Variants in RAPGEF6 observed in about 807,000 individuals in gnomAD.
RAPGEF6 encodes PDZ domain containing guanine nucleotide exchange factor (GEF) 2.
In RAPGEF6, 56 loss-of-function variants were observed where a neutral mutation model predicts 171.4. The observed-to-expected ratio is 0.33, with a 90% CI of 0.26 to 0.41. RAPGEF6 has a LOEUF of 0.41. Ranked by LOEUF, RAPGEF6 falls within the 10% of genes least tolerant of loss-of-function variation. The pLI is 1.00. For missense variants in RAPGEF6, 1,674 were observed against 1,921.4 expected (o/e 0.87, Z 2.41); for synonymous variants, 692 against 650.1 (o/e 1.06, Z -0.98).
In RAPGEF6 at chr5:131,489,531, T is replaced by C; in HGVS notation, c.1840+15A>G. 2 of 1,484,160 alleles carry C rather than the reference T, an allele frequency of 1.3e-6. No individual in the cohort carries two copies. The highest frequency in any genetic ancestry group is 1.8e-6 in the Non-Finnish European group (2 of 1,083,430). 91.9% of individuals were successfully genotyped at this position (1,484,160 alleles called of 1,614,324 possible). On this transcript the variant is annotated intron_variant, in intron 15 of 27. Transcript: ENST00000509018. ...AAGAAGAAAGAGTTCAGGCAATTTT[T>C]ACAACAAAACTCACCAAAAATGTTG... is the stretch of plus-strand genomic sequence containing the variant.
At chr5:131,598,257 T>A (rs1014541205) in intron 3 of RAPGEF6, among the ~76,000 whole-genome samples, 2 of 151,094 alleles carry the variant, frequency 1.3e-5, no homozygotes, top group Non-Finnish European at 3.0e-5. Context: ...AATTAGAAAA[T>A]AAGGCAGTAG....
chr5:131,462,100 A>T lies in RAPGEF6; in HGVS notation c.2481-12T>A, dbSNP rs1004944600. ...TTTTTAAGTAATACCTAAATGGAAA[A>T]ATTTTTTTAAATAAATGTATTCATA... On this transcript the variant is annotated splice_polypyrimidine_tract_variant and intron_variant, in intron 18 of 27. Transcript: ENST00000509018. 1.1e-5 allele frequency: 16 copies of T among 1,453,872 alleles called. No homozygotes were observed. Among genetic ancestry groups the T allele is most frequent in the Non-Finnish European group, 1.4e-5 (15 of 1,097,600 alleles). The allele number at this position is 1,453,872 out of a possible 1,614,324, so 90.1% of individuals were successfully genotyped here.
intron 1 of RAPGEF6, among the ~76,000 whole-genome samples, chr5:131,628,913 A>G (rs1436099214): frequency 1.3e-5 from 2 of 152,192 alleles, no homozygotes; most frequent in Non-Finnish European, 2.9e-5. Context: ...AAAAAGATTC[A>G]TTTCAAAATA....
At chr5:131,611,686 T>C (rs1223046839) in intron 1 of RAPGEF6, among the ~76,000 whole-genome samples, 1 of 152,186 alleles carries the variant, frequency 6.6e-6, no homozygotes, top group Non-Finnish European at 1.5e-5. Flanking sequence ...AAGAGTCATT[T>C]TTTAAACTAG....
At chr5:131,444,871 A>G (rs911461904) in intron 22 of RAPGEF6, among the ~76,000 whole-genome samples, 1 of 152,170 alleles carries the variant, frequency 6.6e-6, no homozygotes, top group African/African-American at 2.4e-5. Flanking sequence ...AAATATGTAC[A>G]TGGCTTTGAA....
intron 26 of RAPGEF6, among the ~76,000 whole-genome samples, chr5:131,430,108 A>C (rs1489427102): frequency 6.6e-6 from 1 of 152,062 alleles, no homozygotes; most frequent in African/African-American, 2.4e-5. Flanking sequence ...CCTATAATGC[A>C]ATTTGACAAG....
intron 1 of RAPGEF6, among the ~76,000 whole-genome samples, chr5:131,613,289 A>T (rs553871130): frequency 6.6e-6 from 1 of 152,188 alleles, no homozygotes; most frequent in Non-Finnish European, 1.5e-5. Flanking sequence ...GGGCGCCTAC[A>T]GTCCCAGCTT....
chr5:131,583,610 T>C (rs1202503745), intron 4 of RAPGEF6, among the ~76,000 whole-genome samples: 1 of 152,246 alleles, frequency 6.6e-6, no homozygotes, highest in East Asian at 1.9e-4. Context: ...TCCTGCCTTT[T>C]TGGGCTGAAC....
At chr5:131,611,317 T>C (rs1764921549) in intron 1 of RAPGEF6, among the ~76,000 whole-genome samples, 3 of 152,200 alleles carry the variant, frequency 2.0e-5, no homozygotes, top group Admixed American at 2.0e-4. Flanking sequence ...AGTAAATAAA[T>C]TTTCTATACT....
chr5:131,596,597 G>A (rs908969668), intron 3 of RAPGEF6, among the ~76,000 whole-genome samples: 2 of 152,026 alleles, frequency 1.3e-5, no homozygotes, highest in Non-Finnish European at 2.9e-5. Context: ...CATAAAAACA[G>A]ACCAATAGAG....
intron 21 of RAPGEF6, among the ~76,000 whole-genome samples, chr5:131,452,553 C>T (rs1753168078): frequency 6.7e-6 from 1 of 150,232 alleles, no homozygotes; most frequent in African/African-American, 2.4e-5. Flanking sequence ...AAGACATAGA[C>T]TAATACTTTA....
chr5:131,460,708 C>T (rs1308174274), intron 19 of RAPGEF6, among the ~76,000 whole-genome samples: 1 of 152,158 alleles, frequency 6.6e-6, no homozygotes, highest in African/African-American at 2.4e-5. Context: ...ATTCTAAAGA[C>T]CACTCTGTTA....
chr5:131,516,663 G>A (rs548158180), intron 7 of RAPGEF6, among the ~76,000 whole-genome samples: 133 of 152,228 alleles, frequency 8.7e-4, no homozygotes, highest in African/African-American at 3.0e-3. Context: ...CCAGCTCATG[G>A]AAAAGACTGA....
chr5:131,466,777 C>G (rs1320056172), intron 17 of RAPGEF6, among the ~76,000 whole-genome samples: 1 of 152,164 alleles, frequency 6.6e-6, no homozygotes, highest in East Asian at 1.9e-4. Flanking sequence ...ATGTCTTTAT[C>G]AGCAGCATGA....
At chr5:131,557,052 G>A (rs548767871) in intron 5 of RAPGEF6, among the ~76,000 whole-genome samples, 19 of 152,122 alleles carry the variant, frequency 1.2e-4, no homozygotes, top group Non-Finnish European at 2.9e-5. Context: ...CTGCAGACGT[G>A]TGTCACAACA....
At chr5:131,471,598 T>A (rs1580877436) in intron 17 of RAPGEF6, among the ~76,000 whole-genome samples, 1 of 152,202 alleles carries the variant, frequency 6.6e-6, no homozygotes, top group South Asian at 2.1e-4. Flanking sequence ...CAGTGCTTAA[T>A]TGTATATGCC....
intron 3 of RAPGEF6, among the ~76,000 whole-genome samples, chr5:131,599,139 C>T (rs923670954): frequency 3.3e-5 from 5 of 152,052 alleles, no homozygotes; most frequent in South Asian, 4.2e-4. Context: ...GGTGAAACCC[C>T]GTCTTTACTA....
At chr5:131,472,538 T>C in intron 17 of RAPGEF6, 49 bp downstream of exon 17, 1 of 1,572,238 alleles carries the variant, frequency 6.4e-7, no homozygotes, top group Non-Finnish European at 8.7e-7. Flanking sequence ...ACCATCTATT[T>C]GTTCATTTGG....
chr5:131,574,384 C>G (rs1431855165), intron 4 of RAPGEF6, among the ~76,000 whole-genome samples: 1 of 152,142 alleles, frequency 6.6e-6, no homozygotes, highest in African/African-American at 2.4e-5. Flanking sequence ...TCATGGATGC[C>G]GAGCTTCGGG....
Sources: allele counts gnomAD v4.1 joint callset (sites outside exome capture counted in the v4.1 genomes callset), GRCh38; gene constraint gnomAD v4.1.1; transcripts MANE v1.5; gene names NCBI Gene and HGNC (gene_info 2026-07-23, HGNC 2026-07-21).